AGAP1: variants seen among roughly 807,000 people sequenced by gnomAD.
AGAP1 encodes arf-GAP with GTPase, ANK repeat and PH domain-containing protein 1.
A neutral mutation model predicts 105.3 loss-of-function variants in AGAP1; 29 were observed. The ratio of observed to expected loss-of-function variants is 0.28; its 90% CI spans 0.21 to 0.38. The LOEUF is 0.38. Among genes scored for constraint, AGAP1 ranks in the 10% least tolerant of loss-of-function variants. AGAP1 has a pLI of 1.00. For synonymous variants in AGAP1, 509 were observed against 485.9 expected (o/e 1.05, Z -0.63); for missense variants, 998 against 1,165.1 (o/e 0.86, Z 2.09).
At chr2:236,029,043 C>T (rs1304034638) in intron 13 of AGAP1, among the ~76,000 whole-genome samples, 1 of 152,102 alleles carries the variant, frequency 6.6e-6, no homozygotes, top group African/African-American at 2.4e-5. Flanking sequence ...GAGTCCTTAC[C>T]TCTCCCAGTA....
At position 235,866,777 on chromosome 2, in the gene AGAP1, G is replaced by A. The variant is rs1188743998; in HGVS notation, c.1051-16568G>A. Among the ~76,000 whole-genome samples the A allele has an allele frequency of 6.6e-6, 1 of 152,196 alleles. No individual in the cohort carries two copies. The highest frequency in any genetic ancestry group is 1.5e-5 in the Non-Finnish European group (1 of 68,026). On this transcript the variant is annotated intron_variant, in intron 9 of 17. Coordinates refer to ENST00000304032, the MANE Select transcript of AGAP1 (RefSeq NM_001037131.3). This position sits in a 1 kb window ranked among gnomAD's most constrained non-coding sequence, Gnocchi z 6.1. ...AGCCTCTCTCCTTGGCTTGCAGACA[G>A]CCATCTTCTCCCTGTGTCTTCACGT...
chr2:235,913,077 T>C (rs1454295755), intron 11 of AGAP1, among the ~76,000 whole-genome samples: 1 of 152,198 alleles, frequency 6.6e-6, no homozygotes, highest in Admixed American at 6.5e-5. Context: ...AATTTTATGG[T>C]CTTCTTTACA....
chr2:235,813,811 C>T (rs571121146), intron 9 of AGAP1, among the ~76,000 whole-genome samples: 29 of 152,334 alleles, frequency 1.9e-4, no homozygotes, highest in African/African-American at 6.3e-4. Flanking sequence ...TTGGATCACA[C>T]GTCAGCTTGG....
At chr2:235,894,599 A>G (rs539495568) in intron 10 of AGAP1, among the ~76,000 whole-genome samples, 1 of 150,394 alleles carries the variant, frequency 6.6e-6, no homozygotes, top group East Asian at 1.9e-4. Context: ...ATACACACAC[A>G]CATACACACA....
At position 235,760,780 on chromosome 2, in the gene AGAP1, G is replaced by T. The variant is rs181877362; in HGVS notation, c.673+10292G>T. On this transcript the variant is annotated intron_variant, in intron 6 of 17. Transcript: ENST00000304032. ...TTTCAAAATTTTTGTAGAGATGAGG[G>T]TCTCGATGTATTGCCAAATCCAGTC... 4.1e-3 allele frequency among the ~76,000 whole-genome samples: 627 copies of T among 152,240 alleles called. 9 individuals carry two copies. The highest frequency in any genetic ancestry group is 0.037 in the Admixed American group (569 of 15,282).
intron 3 of AGAP1, among the ~76,000 whole-genome samples, chr2:235,730,786 C>T (rs1336652008): frequency 6.6e-6 from 1 of 152,112 alleles, no homozygotes; most frequent in Non-Finnish European, 1.5e-5. Context: ...ATTCAAGCAC[C>T]ACTGTTTTGG....
At chr2:236,034,842 C>T (rs1294546076) in intron 13 of AGAP1, among the ~76,000 whole-genome samples, 1 of 152,198 alleles carries the variant, frequency 6.6e-6, no homozygotes, top group Non-Finnish European at 1.5e-5. Flanking sequence ...AGTCACAGAC[C>T]ACTGAGGGGC....
intron 7 of AGAP1, 125 bp downstream of exon 7, chr2:235,798,011 A>G (rs777370178): frequency 2.2e-4 from 266 of 1,211,542 alleles, no homozygotes; most frequent in Non-Finnish European, 2.9e-4. Flanking sequence ...GCATGTTGTA[A>G]TTGACTTCAC....
intron 16 of AGAP1, among the ~76,000 whole-genome samples, chr2:236,110,225 G>A (rs2059609118): frequency 6.6e-6 from 1 of 152,184 alleles, no homozygotes; most frequent in Admixed American, 6.5e-5. Flanking sequence ...GCTGGGTGCA[G>A]TGACTCACAC....
intron 1 of AGAP1, among the ~76,000 whole-genome samples, chr2:235,539,674 T>C (rs1472342730): frequency 6.6e-6 from 1 of 152,116 alleles, no homozygotes; most frequent in African/African-American, 2.4e-5. Flanking sequence ...AGCTGGAATC[T>C]AGATCAACTC....
At chr2:236,043,101 G>A (rs1290814714) in intron 15 of AGAP1, among the ~76,000 whole-genome samples, 4 of 152,214 alleles carry the variant, frequency 2.6e-5, no homozygotes, top group Non-Finnish European at 5.9e-5. Context: ...GTAGCACATT[G>A]GCAAGGATTT....
intron 6 of AGAP1, among the ~76,000 whole-genome samples, chr2:235,768,198 AT>A (rs1465430563): frequency 1.3e-5 from 2 of 151,834 alleles, no homozygotes; most frequent in African/African-American, 2.4e-5. Context: ...TTCACCCTTT[AT>A]TTTCTCTCAC....
chr2:236,039,587 T>C (rs1190842324), intron 14 of AGAP1, among the ~76,000 whole-genome samples: 1 of 152,190 alleles, frequency 6.6e-6, no homozygotes, highest in African/African-American at 2.4e-5. Flanking sequence ...TAGAGAAAAA[T>C]TGGAAGCAAC....
intron 16 of AGAP1, among the ~76,000 whole-genome samples, chr2:236,108,852 G>A (rs1318978195): frequency 6.6e-6 from 1 of 152,058 alleles, no homozygotes; most frequent in Non-Finnish European, 1.5e-5. Flanking sequence ...CCGCTCTCTT[G>A]TCTGTGTCCC....
chr2:236,120,128 A>T lies in AGAP1; in HGVS notation c.2115-64A>T. 6.4e-7 allele frequency: 1 copy of T among 1,558,574 alleles called. No homozygotes were observed. The highest frequency in any genetic ancestry group is 1.4e-5 in the African/African-American group (1 of 73,860). ...TCGGCTTCTCCCGACCACACTGGGC[A>T]GGGGCTGGCAGCCTGTGTTCTCGGG... On this transcript the variant is annotated intron_variant, in intron 16 of 17. Coordinates refer to ENST00000304032, the MANE Select transcript of AGAP1 (RefSeq NM_001037131.3). The surrounding 1 kb of genome is among the most constrained non-coding windows in gnomAD (Gnocchi z 6.0).
In AGAP1 at chr2:235,874,259, C is replaced by T. The variant is rs1028137795; in HGVS notation, c.1051-9086C>T. On this transcript the variant is annotated intron_variant, in intron 9 of 17. Coordinates refer to ENST00000304032, the MANE Select transcript of AGAP1 (RefSeq NM_001037131.3). This position sits in a 1 kb window ranked among gnomAD's most constrained non-coding sequence, Gnocchi z 4.5. Reference sequence around the variant, plus strand: ...AGAGACGGGGTTTCACCATGTTTACCGGGATGGTCTCGATCTCCTGACCTT... The same window carrying T: ...AGAGACGGGGTTTCACCATGTTTACTGGGATGGTCTCGATCTCCTGACCTT... Among the ~76,000 whole-genome samples the T allele has an allele frequency of 1.3e-5, 2 of 151,850 alleles. No individual in the cohort carries two copies. The highest frequency in any genetic ancestry group is 2.4e-5 in the African/African-American group (1 of 41,318).
intron 2 of AGAP1, among the ~76,000 whole-genome samples, chr2:235,715,783 C>T (rs1417796686): frequency 6.6e-6 from 1 of 152,124 alleles, no homozygotes; most frequent in Non-Finnish European, 1.5e-5. Context: ...AGAGTCCACA[C>T]TGAGGTGGCA....
At chr2:235,594,289 G>GT (rs71400775) in intron 1 of AGAP1, among the ~76,000 whole-genome samples, 2,193 of 148,362 alleles carry the variant, frequency 0.015, 20 homozygotes, top group South Asian at 0.024. Flanking sequence ...GCATTCTGGG[G>GT]TTTTTTTTTT....
intron 5 of AGAP1, among the ~76,000 whole-genome samples, chr2:235,746,575 G>C (rs10195633): frequency 2.0e-5 from 3 of 151,822 alleles, no homozygotes; most frequent in Admixed American, 1.3e-4. Flanking sequence ...TGAGAATGCA[G>C]AGTTGCCGTA....
Sources: allele counts gnomAD v4.1 joint callset (sites outside exome capture counted in the v4.1 genomes callset), GRCh38; gene constraint gnomAD v4.1.1; non-coding constraint Gnocchi (gnomAD v3.1); transcripts MANE v1.5; gene names NCBI Gene and HGNC (gene_info 2026-07-23, HGNC 2026-07-21).